The following HSF1 variants were observed in gnomAD, a reference collection of about 807,000 sequenced individuals.
HSF1 encodes the protein heat shock factor protein 1.
In HSF1, 32 loss-of-function variants were observed where a neutral mutation model predicts 51.7. The ratio of observed to expected loss-of-function variants is 0.62; its 90% CI spans 0.47 to 0.83. HSF1 has a LOEUF of 0.83. Among genes scored for constraint, HSF1 ranks in the 40% least tolerant of loss-of-function variants. The pLI is 0.00. For missense variants in HSF1, 727 were observed against 717.0 expected (o/e 1.01, Z -0.16); for synonymous variants, 396 against 309.7 (o/e 1.28, Z -2.92).
At position 144,298,368 on chromosome 8, in the gene HSF1, G is replaced by A. The variant is rs565901355; in HGVS notation, c.117+6494G>A. The stretch of plus-strand genomic sequence containing the variant: ...TCCCAGCACTTCGGGAGGCTGAGGC[G>A]GTTGGATCACCTGAGGTCAGCAGTT... On this transcript the variant is annotated intron_variant, in intron 1 of 12. Coordinates refer to ENST00000528838, the MANE Select transcript of HSF1 (RefSeq NM_005526.4). Among the ~76,000 whole-genome samples the A allele has an allele frequency of 7.5e-4, 114 of 151,710 alleles. 1 individual carries two copies. The highest frequency in any genetic ancestry group is 2.4e-3 in the African/African-American group (98 of 41,344).
intron 1 of HSF1, among the ~76,000 whole-genome samples, chr8:144,301,280 G>A (rs1007675551): frequency 2.6e-5 from 4 of 152,064 alleles, no homozygotes; most frequent in Non-Finnish European, 5.9e-5. Flanking sequence ...TTAGCCGGGC[G>A]TGGTAGTGCC....
chr8:144,313,686 G>GCCTCC, intron 10 of HSF1, 70 bp downstream of exon 10: 1 of 33,636 alleles, frequency 3.0e-5, no homozygotes, highest in South Asian at 4.2e-4. Context: ...TCCCCGCCCC[G>GCCTCC]CCTCCCCGCC....
intron 9 of HSF1, 40 bp from the exon 10 acceptor site, chr8:144,313,471 C>A (rs782780195): frequency 1.5e-6 from 2 of 1,340,582 alleles, no homozygotes; most frequent in Non-Finnish European, 2.1e-6. Context: ...GGGTGTGGGG[C>A]CTGGGGCACT....
chr8:144,302,296 C>T (rs1815941847), intron 1 of HSF1, among the ~76,000 whole-genome samples: 1 of 151,310 alleles, frequency 6.6e-6, no homozygotes, highest in African/African-American at 2.4e-5. Flanking sequence ...ATCACAAGGT[C>T]AGGAATTCAA....
intron 1 of HSF1, among the ~76,000 whole-genome samples, chr8:144,294,767 C>T (rs781974710): frequency 2.0e-5 from 3 of 152,144 alleles, no homozygotes; most frequent in Admixed American, 1.3e-4. Context: ...TCCCACCCCC[C>T]CCTCCCAAGA....
rs185166657 is a variant in HSF1, at chr8:144,300,873, A to G, written c.118-8033A>G. 4.6e-5 allele frequency among the ~76,000 whole-genome samples: 7 copies of G among 152,094 alleles called. No individual in the cohort carries two copies. The East Asian group carries it at 9.6e-4, about 21-fold the overall frequency. ...TGTACCACACAAAGGCAGGATGTTA[A>G]TGATGGGGGACACTGGTGTAGGGCA... On this transcript the variant is annotated intron_variant, in intron 1 of 12. Coordinates refer to ENST00000528838, the MANE Select transcript of HSF1 (RefSeq NM_005526.4).
chr8:144,309,762 G>C lies in HSF1; in HGVS notation c.364-10G>C. 6.2e-7 allele frequency: 1 copy of C among 1,612,800 alleles called. No homozygotes were observed. Among genetic ancestry groups the C allele is most frequent in the Non-Finnish European group, 8.5e-7 (1 of 1,179,518 alleles). ...TGCTCCAGTGACTCCTGTCCCTCTCGGGAATCCAGGTGTCCACCCTGAAGA... is the reference window on the plus strand; with the variant it reads ...TGCTCCAGTGACTCCTGTCCCTCTCCGGAATCCAGGTGTCCACCCTGAAGA... On this transcript the variant is annotated splice_polypyrimidine_tract_variant and intron_variant, in intron 3 of 12. Coordinates refer to ENST00000528838, the MANE Select transcript of HSF1 (RefSeq NM_005526.4).
intron 1 of HSF1, among the ~76,000 whole-genome samples, chr8:144,296,807 A>T (rs1215697265): frequency 8.6e-5 from 2 of 23,330 alleles, no homozygotes; most frequent in Admixed American, 8.1e-4. Context: ...ACTCCATCTC[A>T]AAAAAAAAAA....
In HSF1 at chr8:144,291,812, C is replaced by A; in HGVS notation, c.55C>A (p.Leu19Met). 6.4e-7 allele frequency: 1 copy of A among 1,556,978 alleles called. No homozygotes were observed. Among genetic ancestry groups the A allele is most frequent in the East Asian group, 2.6e-5 (1 of 38,466 alleles). Residue 19 changes from leucine (L) to methionine (M), a missense_variant, in exon 1 of 13, where the codon CTG becomes ATG. By Grantham distance (15) the Leu-to-Met change is conservative. Around this residue, in one of 2 missense-constraint regions of HSF1, gnomAD observed 257 missense variants for 318.3 expected, o/e 0.81. Coordinates refer to ENST00000528838, the MANE Select transcript of HSF1 (RefSeq NM_005526.4). This position sits in a 1 kb window ranked among gnomAD's most constrained non-coding sequence, Gnocchi z 4.1. ...AAGPSNVPAF[L>M]TKLWTLVSDP... ...GGGGCCCAGCAACGTCCCGGCCTTC[C>A]TGACCAAGCTGTGGACCCTCGTGAG...
intron 1 of HSF1, among the ~76,000 whole-genome samples, chr8:144,306,819 C>T (rs1554843398): frequency 1.3e-5 from 2 of 152,212 alleles, no homozygotes; most frequent in African/African-American, 4.8e-5. Flanking sequence ...TTGTTTATGG[C>T]CACTGCCGTC....
intron 1 of HSF1, among the ~76,000 whole-genome samples, chr8:144,307,439 G>A (rs1816297660): frequency 6.6e-6 from 1 of 152,204 alleles, no homozygotes; most frequent in Admixed American, 6.5e-5. Flanking sequence ...AATAGGGCAT[G>A]TAAAATGCCA....
intron 1 of HSF1, among the ~76,000 whole-genome samples, chr8:144,298,987 C>T (rs1349744638): frequency 6.6e-6 from 1 of 152,200 alleles, no homozygotes; most frequent in Non-Finnish European, 1.5e-5. Flanking sequence ...ATAGAAGCCA[C>T]TTTAAATACA....
chr8:144,305,447 A>C (rs1046724578), intron 1 of HSF1, among the ~76,000 whole-genome samples: 12 of 151,388 alleles, frequency 7.9e-5, no homozygotes, highest in Non-Finnish European at 1.5e-4. Context: ...TTACAGGCAC[A>C]TGCCACCATG....
In HSF1 at chr8:144,313,649, C is replaced by G. The variant is rs782188189; in HGVS notation, c.1248+33C>G. 2.8e-4 allele frequency: 74 copies of G among 268,272 alleles called. 1 individual carries two copies. Among genetic ancestry groups the G allele is most frequent in the African/African-American group, 2.4e-3 (35 of 14,428 alleles). 16.6% of individuals were successfully genotyped at this position (268,272 alleles called of 1,614,324 possible). A position where few individuals can be genotyped will look rare whatever the true frequency, so the allele number is the denominator to read the frequency against. ...GAGCCCCGCCGCCCCGCCTCCCCGC[C>G]CCGCCTCCCCGCCGCGCCGCCCCGC... is the stretch of plus-strand genomic sequence containing the variant. On this transcript the variant is annotated intron_variant, in intron 10 of 12. Transcript: ENST00000528838.
chr8:144,311,010 C>G lies in HSF1; in HGVS notation c.489-164C>G, dbSNP rs868983179. The G allele has an allele frequency of 1.9e-4, 126 of 655,180 alleles. No homozygotes were observed. In the South Asian group the frequency reaches 2.1e-3, roughly 11 times the overall value. The allele number at this position is 655,180 out of a possible 1,614,324, so 40.6% of individuals were successfully genotyped here. ...TGGGACCAGCAAGCCCTGGCCCTGG[C>G]CCCCAGTCCCTCCACACACAAGTTC... On this transcript the variant is annotated intron_variant, in intron 4 of 12. Transcript: ENST00000528838.
At chr8:144,311,409 ACCAC>A (rs782216293) in intron 6 of HSF1, 27 bp downstream of exon 6, 2 of 1,612,702 alleles carry the variant, frequency 1.2e-6, no homozygotes, top group African/African-American at 2.7e-5. Flanking sequence ...GCCTGCATCC[ACCAC>A]CCGGGGCCCA....
intron 2 of HSF1, chr8:144,309,245 C>T: frequency 1.5e-6 from 1 of 685,152 alleles, no homozygotes. Flanking sequence ...CGGAGCTGTA[C>T]TCCACGTGTG....
At position 144,309,857 on chromosome 8, in the gene HSF1, A is replaced by G; in HGVS notation, c.449A>G (p.Lys150Arg). ...ACGGACGTGCAGCTGATGAAGGGGA[A>G]GCAGGAGTGCATGGACTCCAAGCTC... ...LLTDVQLMKG[K>R]QECMDSKLLA... is the part of the protein sequence containing the mutation. The change falls in exon 4 of 13, where the codon AAG becomes AGG. Residue 150 changes from lysine to arginine, a missense_variant. Lys to Arg is a conservative substitution (Grantham distance 26). Around this residue, in one of 2 missense-constraint regions of HSF1, gnomAD observed 257 missense variants for 318.3 expected, o/e 0.81. Transcript: ENST00000528838. The G allele has an allele frequency of 1.9e-6, 3 of 1,613,878 alleles. No individual in the cohort carries two copies. The highest frequency in any genetic ancestry group is 2.5e-6 in the Non-Finnish European group (3 of 1,179,970).
chr8:144,292,043 C>G (rs1554840490), intron 1 of HSF1, among the ~76,000 whole-genome samples, 169 bp downstream of exon 1: 1 of 152,246 alleles, frequency 6.6e-6, no homozygotes, highest in African/African-American at 2.4e-5. Flanking sequence ...CCTGCTCAGA[C>G]CCAGAGCCTT....
Sources: allele counts gnomAD v4.1 joint callset (sites outside exome capture counted in the v4.1 genomes callset), GRCh38; gene constraint gnomAD v4.1.1; regional missense constraint gnomAD v4.1.1; non-coding constraint Gnocchi (gnomAD v3.1); transcripts MANE v1.5; gene names NCBI Gene and HGNC (gene_info 2026-07-23, HGNC 2026-07-21).